UPB1: variants seen among roughly 807,000 people sequenced by gnomAD.
UPB1 encodes beta-ureidopropionase 1, also known as beta-ureidopropionase.
Under a neutral mutation model 49.1 loss-of-function variants are expected in UPB1, and 40 were observed. The observed-to-expected ratio is 0.81, with a 90% confidence interval of 0.63 to 1.06. The LOEUF (loss-of-function observed/expected upper bound fraction) is 1.06. Among genes scored for constraint, UPB1 ranks in the 50% least tolerant of loss-of-function variants. UPB1 has a pLI of 0.00. For missense variants in UPB1, 499 were observed against 505.9 expected (o/e 0.99, Z 0.13); for synonymous variants, 207 against 198.2 (o/e 1.04, Z -0.38).
chr22:24,507,755 C>T (rs2044116729), intron 3 of UPB1, among the ~76,000 whole-genome samples: 1 of 152,136 alleles, frequency 6.6e-6, no homozygotes, highest in Admixed American at 6.5e-5. Context: ...CTGCCCTCTT[C>T]TCCTTGTCAC....
intron 3 of UPB1, 132 bp downstream of exon 3, chr22:24,502,345 C>A: frequency 1.0e-6 from 1 of 982,598 alleles, no homozygotes; most frequent in Non-Finnish European, 1.7e-6. Context: ...AGTTCTCCGT[C>A]CACATCACCA....
In UPB1 at chr22:24,502,146, C is replaced by T. The variant is rs2044004552; in HGVS notation, c.297C>T (p.Arg99=). The change falls in exon 3 of 10, where the codon CGC becomes CGT. Residue 99 remains arginine (R), a synonymous_variant. Transcript: ENST00000326010. ...CTCAGGTCTCTGCCCTTCATAGACG[C>T]ATAAAGGCTATCGTAGAGGTGGCTG... ...VAEQVSALHR[R]IKAIVEVAAM... is the part of the protein sequence containing the mutation. 2 of 1,614,202 alleles carry T rather than the reference C, an allele frequency of 1.2e-6. No homozygotes were observed. Among genetic ancestry groups the T allele is most frequent in the Admixed American group, 1.7e-5 (1 of 60,028 alleles).
chr22:24,506,554 A>G lies in UPB1; in HGVS notation c.365-4195A>G, dbSNP rs565272249. Reference sequence around the variant, plus strand: ...TCAGTGCACCATCCTTGTTGGGTATATGCCTTTGCATGAACATTGCTTTCC... The same window carrying G: ...TCAGTGCACCATCCTTGTTGGGTATGTGCCTTTGCATGAACATTGCTTTCC... On this transcript the variant is annotated intron_variant, in intron 3 of 9. Transcript: ENST00000326010. Among the ~76,000 whole-genome samples the G allele has an allele frequency of 3.4e-4, 51 of 152,222 alleles. 2 individuals are homozygous for G. The South Asian group carries it at 0.01, about 30-fold the overall frequency.
intron 1 of UPB1, among the ~76,000 whole-genome samples, chr22:24,499,752 TTTGAGAA>T (rs756386920): frequency 6.9e-4 from 105 of 152,310 alleles, no homozygotes; most frequent in Admixed American, 1.3e-3. Flanking sequence ...CAGAAACACT[TTTGAGAA>T]TCTGTTCCCT....
rs1401863536 is a variant in UPB1, at chr22:24,525,981, G to A, written c.*187G>A. On this transcript the variant is annotated 3_prime_UTR_variant, in exon 10 of 10. Transcript: ENST00000326010. ...TGGGTAAGGGGCTGCTTACTTCTGG[G>A]GTATTGGAAATGTTTGGGGACTAGG... 12 of 681,000 alleles carry A rather than the reference G, an allele frequency of 1.8e-5. No individual in the cohort carries two copies. Among genetic ancestry groups the A allele is most frequent in the East Asian group, 2.8e-5 (1 of 36,084 alleles). 42.2% of individuals were successfully genotyped at this position (681,000 alleles called of 1,614,324 possible). A position where few individuals can be genotyped will look rare whatever the true frequency, so the allele number is the denominator to read the frequency against.
chr22:24,503,085 C>G (rs1234266297), intron 3 of UPB1: 1 of 152,622 alleles, frequency 6.6e-6, no homozygotes, highest in Non-Finnish European at 1.5e-5. Flanking sequence ...ATGGAGATCT[C>G]ACTATATTGC....
intron 9 of UPB1, 50 bp downstream of exon 9, chr22:24,523,823 A>T: frequency 6.2e-7 from 1 of 1,612,530 alleles, no homozygotes; most frequent in Non-Finnish European, 8.5e-7. Flanking sequence ...TTTGGCCCTC[A>T]TCCTGCTCTC....
intron 3 of UPB1, chr22:24,502,710 A>G: frequency 1.7e-6 from 1 of 582,926 alleles, no homozygotes; most frequent in Non-Finnish European, 3.0e-6. Context: ...CAGCATCAAC[A>G]CTGAGCTAGT....
At position 24,525,165 on chromosome 22, in the gene UPB1, C is replaced by A. The variant is rs536094023; in HGVS notation, c.1072-546C>A. ...AAGCCTTCCCAACTTTGGTAATGGG[C>A]CTGAGCTCCTGTCAAGGCTTTTGGG... is the stretch of plus-strand genomic sequence containing the variant. On this transcript the variant is annotated intron_variant, in intron 9 of 9. Coordinates refer to ENST00000326010, the MANE Select transcript of UPB1 (RefSeq NM_016327.3). Among the ~76,000 whole-genome samples, 11 of 152,258 alleles carry A rather than the reference C, an allele frequency of 7.2e-5. No individual in the cohort carries two copies. In the South Asian group the frequency reaches 1.9e-3, roughly 26 times the overall value.
chr22:24,504,208 C>CTAG (rs1242260818), intron 3 of UPB1, among the ~76,000 whole-genome samples: 2 of 152,220 alleles, frequency 1.3e-5, no homozygotes, highest in Non-Finnish European at 2.9e-5. Context: ...CCCCATTTAG[C>CTAG]TAGGGACTCT....
intron 1 of UPB1, among the ~76,000 whole-genome samples, chr22:24,498,636 T>C (rs2043933907): frequency 6.6e-6 from 1 of 152,026 alleles, no homozygotes; most frequent in African/African-American, 2.4e-5. Context: ...AGGCATCACT[T>C]GGGGGAAGAA....
intron 1 of UPB1, among the ~76,000 whole-genome samples, chr22:24,498,473 C>A (rs1218628110): frequency 6.6e-6 from 1 of 152,164 alleles, no homozygotes; most frequent in African/African-American, 2.4e-5. Context: ...AGGTACTGCC[C>A]AGATAGTAGA....
rs761303078 is a variant in UPB1 at position 24,523,608 on chromosome 22, T to C, written c.917-11T>C. 2.9e-5 allele frequency: 47 copies of C among 1,614,112 alleles called. No homozygotes were observed. Among genetic ancestry groups the C allele is most frequent in the Admixed American group, 1.0e-4 (6 of 60,016 alleles). ...ACAAGCTCACAGATGTGTTTCTTTGTTCCTTTAAAGCTCACCAGGACTTTG... is the reference window on the plus strand; with the variant it reads ...ACAAGCTCACAGATGTGTTTCTTTGCTCCTTTAAAGCTCACCAGGACTTTG... On this transcript the variant is annotated splice_polypyrimidine_tract_variant and intron_variant, in intron 8 of 9. Transcript: ENST00000326010.
rs2147030016 is a variant in UPB1 at position 24,515,363 on chromosome 22, G to A, written c.784G>A (p.Ala262Thr). 1.2e-6 allele frequency: 2 copies of A among 1,614,092 alleles called. No individual in the cohort carries two copies. Among genetic ancestry groups the A allele is most frequent in the South Asian group, 1.1e-5 (1 of 91,082 alleles). Residue 262 changes from alanine to threonine, a missense_variant, in exon 6 of 10, where the codon GCA becomes ACA. By Grantham distance (58) the Ala-to-Thr change is moderately conservative (BLOSUM62 0). Coordinates refer to ENST00000326010, the MANE Select transcript of UPB1 (RefSeq NM_016327.3). ...IIFNPSATIG[A>T]LSESLWPIEA... ...CTTCAACCCCTCGGCCACGATAGGA[G>A]CACTCAGGTCACTCAGTTGGTGGGG... is the stretch of plus-strand genomic sequence containing the variant.
intron 3 of UPB1, among the ~76,000 whole-genome samples, chr22:24,508,474 G>A (rs1227618843): frequency 6.6e-6 from 1 of 151,978 alleles, no homozygotes; most frequent in Non-Finnish European, 1.5e-5. Context: ...CAGGAGAATC[G>A]CTTGAACCCA....
Position 24,508,333 on chromosome 22 carries a change from C to T in UPB1, c.365-2416C>T, listed in dbSNP as rs1013419340. 3.9e-5 allele frequency among the ~76,000 whole-genome samples: 6 copies of T among 152,064 alleles called. No individual in the cohort carries two copies. The East Asian group carries it at 7.7e-4, about 20-fold the overall frequency. ...CAGCACTTTCTGAGCCTGAGGTGGG[C>T]GAATCACCTGAGGTCAGGAGTTCGA... On this transcript the variant is annotated intron_variant, in intron 3 of 9. Coordinates refer to ENST00000326010, the MANE Select transcript of UPB1 (RefSeq NM_016327.3).
At position 24,510,886 on chromosome 22, in the gene UPB1, T is replaced by A. The variant is rs777669273; in HGVS notation, c.459+43T>A. On this transcript the variant is annotated intron_variant, in intron 4 of 9. Transcript: ENST00000326010. ...CCTCTGGCAGCAGCTGCCAAATATG[T>A]GCAAGTCACAGAGCATGACCACAGC... 13 of 1,597,228 alleles carry A rather than the reference T, an allele frequency of 8.1e-6. No homozygotes were observed. In the East Asian group the frequency reaches 2.9e-4, roughly 36 times the overall value.
In UPB1 at chr22:24,497,374, CTT is replaced by C. The variant is rs146957146; in HGVS notation, c.104+1870_104+1871del. Among the ~76,000 whole-genome samples the C allele has an allele frequency of 4.4e-3, 675 of 152,286 alleles. 9 individuals are homozygous for C. Among genetic ancestry groups the C allele is most frequent in the African/African-American group, 0.015 (640 of 41,542 alleles). On this transcript the variant is annotated intron_variant, in intron 1 of 9. Coordinates refer to ENST00000326010, the MANE Select transcript of UPB1 (RefSeq NM_016327.3). Reference sequence around the variant, plus strand: ...TCACCCCCGCCATGAGCACATGTCTCTTTTGTAACAGAGCTCTAGTTTAATGA... The same window carrying C: ...TCACCCCCGCCATGAGCACATGTCTCTTGTAACAGAGCTCTAGTTTAATGA...
intron 6 of UPB1, among the ~76,000 whole-genome samples, chr22:24,515,858 C>T (rs2044284985): frequency 6.6e-6 from 1 of 152,176 alleles, no homozygotes; most frequent in Admixed American, 6.5e-5. Flanking sequence ...TGCCTGTAGT[C>T]CCAGCTACTC....
Sources: allele counts gnomAD v4.1 joint callset (sites outside exome capture counted in the v4.1 genomes callset), GRCh38; gene constraint gnomAD v4.1.1; transcripts MANE v1.5; gene names NCBI Gene and HGNC (gene_info 2026-07-23, HGNC 2026-07-21).